The following LEF1 variants were observed in gnomAD, a reference collection of about 807,000 sequenced individuals.
The protein encoded by LEF1 is lymphoid enhancer binding factor 1.
LEF1 carries 14 observed loss-of-function variants against 51.2 expected under a neutral mutation model. The ratio of observed to expected loss-of-function variants is 0.27; its 90% CI spans 0.18 to 0.43. The LOEUF (loss-of-function observed/expected upper bound fraction) is 0.43, where lower values mean the gene tolerates loss of function less well. Ranked by LOEUF, LEF1 falls within the 20% of genes least tolerant of loss-of-function variation. The pLI is 1.00. For synonymous variants in LEF1, 185 were observed against 183.2 expected (o/e 1.01, Z -0.08); for missense variants, 386 against 512.0 (o/e 0.75, Z 2.37).
In LEF1 at chr4:108,086,656, T is replaced by G. The variant is rs1739664734; in HGVS notation, c.547+2469A>C. On this transcript the variant is annotated intron_variant, in intron 4 of 11. Coordinates refer to ENST00000265165, the MANE Select transcript of LEF1 (RefSeq NM_016269.5). ...TAATATATGTACTACGGAAAATGCCTGGAGCAAAAGTATAAGTATTTGTTG... is the reference window on the plus strand; with the variant it reads ...TAATATATGTACTACGGAAAATGCCGGGAGCAAAAGTATAAGTATTTGTTG... Among the ~76,000 whole-genome samples, 4 of 152,328 alleles carry G rather than the reference T, an allele frequency of 2.6e-5. No individual in the cohort carries two copies. The South Asian group carries it at 8.3e-4, about 32-fold the overall frequency.
intron 3 of LEF1, among the ~76,000 whole-genome samples, chr4:108,141,126 A>G (rs764649172): frequency 5.3e-5 from 8 of 152,342 alleles, no homozygotes; most frequent in Admixed American, 3.3e-4. Context: ...GTAATAAACC[A>G]AAGTTAAATT....
rs191902184 is a variant in LEF1, at chr4:108,124,663, C to T, written c.415-35406G>A. ...GATTACAGGCATGAGTCACCGCGCC[C>T]GGAACATGAACATTGCTTTAGCGAA... On this transcript the variant is annotated intron_variant, in intron 3 of 11. Coordinates refer to ENST00000265165, the MANE Select transcript of LEF1 (RefSeq NM_016269.5). Among the ~76,000 whole-genome samples the T allele has an allele frequency of 9.9e-5, 15 of 152,196 alleles. No homozygotes were observed. In the East Asian group the frequency reaches 1.9e-3, roughly 20 times the overall value.
At chr4:108,116,392 C>T (rs1741844355) in intron 3 of LEF1, among the ~76,000 whole-genome samples, 1 of 152,154 alleles carries the variant, frequency 6.6e-6, no homozygotes, top group African/African-American at 2.4e-5. Flanking sequence ...CGTGGTGGCA[C>T]ATGCCTGTGG....
chr4:108,119,062 T>C (rs540067579), intron 3 of LEF1, among the ~76,000 whole-genome samples: 1 of 151,608 alleles, frequency 6.6e-6, no homozygotes, highest in South Asian at 2.1e-4. Flanking sequence ...GAAAAACACA[T>C]GAAAATAAGA....
chr4:108,120,399 G>A (rs1742100408), intron 3 of LEF1, among the ~76,000 whole-genome samples: 1 of 152,124 alleles, frequency 6.6e-6, no homozygotes, highest in African/African-American at 2.4e-5. Flanking sequence ...TTTCATGTCT[G>A]CTTCTGCATA....
At chr4:108,064,497 T>C in intron 9 of LEF1, 113 bp from the exon 10 acceptor site, 2 of 696,446 alleles carry the variant, frequency 2.9e-6, no homozygotes, top group East Asian at 2.8e-5. Flanking sequence ...TGACTCATTC[T>C]CTCTCCCTCT....
chr4:108,109,225 G>A (rs1340394424), intron 3 of LEF1, among the ~76,000 whole-genome samples: 1 of 152,186 alleles, frequency 6.6e-6, no homozygotes, highest in African/African-American at 2.4e-5. Flanking sequence ...CAACTATTAC[G>A]TCTCAGTGTT....
rs780936502 is a variant in LEF1 at position 108,167,727 on chromosome 4, T to TC, written c.40dup (p.Asp14GlyfsTer39). 3 of 1,612,602 alleles carry TC rather than the reference T, an allele frequency of 1.9e-6. No homozygotes were observed. Among genetic ancestry groups the TC allele is most frequent in the Non-Finnish European group, 1.7e-6 (2 of 1,179,848 alleles). ...CTCGTCCGTGGCGCAGAGTTCCGGG[T>TC]CCCCCCCGCCGCCGCCACCTCCTCC... On this transcript the variant is annotated frameshift_variant, in exon 1 of 12. Coordinates refer to ENST00000265165, the MANE Select transcript of LEF1 (RefSeq NM_016269.5). LOFTEE classifies it high-confidence loss of function. This position sits in a 1 kb window ranked among gnomAD's most constrained non-coding sequence, Gnocchi z 5.7.
At chr4:108,059,595 C>T (rs1213343408) in intron 11 of LEF1, among the ~76,000 whole-genome samples, 1 of 152,140 alleles carries the variant, frequency 6.6e-6, no homozygotes, top group Non-Finnish European at 1.5e-5. Flanking sequence ...GCTGGGATTA[C>T]CAGCATGAGC....
Position 108,048,600 on chromosome 4 carries a change from G to C in LEF1, c.*158C>G. On this transcript the variant is annotated 3_prime_UTR_variant, in exon 12 of 12. Coordinates refer to ENST00000265165, the MANE Select transcript of LEF1 (RefSeq NM_016269.5). The stretch of plus-strand genomic sequence containing the variant: ...TTTATGGATCAGCGTCTCTAGCAGT[G>C]ACCTCAGGGTAAAATTGATGTCAGT... The C allele has an allele frequency of 1.1e-6, 1 of 928,982 alleles. No individual in the cohort carries two copies. The highest frequency in any genetic ancestry group is 1.6e-6 in the Non-Finnish European group (1 of 625,688). 57.5% of individuals were successfully genotyped at this position (928,982 alleles called of 1,614,324 possible).
chr4:108,059,810 C>G (rs867812049), intron 11 of LEF1, among the ~76,000 whole-genome samples: 13 of 152,222 alleles, frequency 8.5e-5, no homozygotes, highest in African/African-American at 2.9e-4. Flanking sequence ...TCAATAGATC[C>G]AACCACCTCA....
intron 5 of LEF1, among the ~76,000 whole-genome samples, chr4:108,082,493 G>T (rs1739374427): frequency 6.6e-6 from 1 of 152,160 alleles, no homozygotes; most frequent in African/African-American, 2.4e-5. Flanking sequence ...GAAGGATAAT[G>T]CAAGGATGTC....
Position 108,167,439 on chromosome 4 carries a change from A to C in LEF1, c.213+116T>G. 1 of 935,072 alleles carries C rather than the reference A, an allele frequency of 1.1e-6. No homozygotes were observed. The highest frequency in any genetic ancestry group is 1.7e-6 in the Non-Finnish European group (1 of 603,014). 57.9% of individuals were successfully genotyped at this position (935,072 alleles called of 1,614,324 possible). A position where few individuals can be genotyped will look rare whatever the true frequency, so the allele number is the denominator to read the frequency against. On this transcript the variant is annotated intron_variant, in intron 1 of 11. Coordinates refer to ENST00000265165, the MANE Select transcript of LEF1 (RefSeq NM_016269.5). This position sits in a 1 kb window ranked among gnomAD's most constrained non-coding sequence, Gnocchi z 5.7. Reference sequence around the variant, plus strand: ...CTACGCACACACCCCAAAACAAACGAGGGATCTACTCGGGACCCTCAGCCG... The same window carrying C: ...CTACGCACACACCCCAAAACAAACGCGGGATCTACTCGGGACCCTCAGCCG...
chr4:108,163,282 AC>A, intron 3 of LEF1, among the ~76,000 whole-genome samples: 1 of 152,212 alleles, frequency 6.6e-6, no homozygotes, highest in African/African-American at 2.4e-5. Flanking sequence ...AATGCACAAT[AC>A]TCATAAAATC....
chr4:108,115,846 T>TACAC (rs55839332), intron 3 of LEF1, among the ~76,000 whole-genome samples: 17,015 of 139,196 alleles, frequency 0.12, 1,405 homozygotes, highest in African/African-American at 0.21. Context: ...ATGTAACACA[T>TACAC]ACACACACAC....
Position 108,089,395 on chromosome 4 carries a change from A to G in LEF1, c.415-138T>C, listed in dbSNP as rs1739863136. On this transcript the variant is annotated intron_variant, in intron 3 of 11. Transcript: ENST00000265165. ...ATCACCTTCAGACCTGGACAGGTGG[A>G]AATGTCTCTTTTAGAATTTTTCTGA... 1.3e-5 allele frequency: 11 copies of G among 827,174 alleles called. No homozygotes were observed. In the South Asian group the frequency reaches 2.1e-4, roughly 16 times the overall value. 51.2% of individuals were successfully genotyped at this position (827,174 alleles called of 1,614,324 possible).
chr4:108,081,696 T>A (rs779496287), intron 5 of LEF1, 27 bp from the exon 6 acceptor site: 23 of 1,582,786 alleles, frequency 1.5e-5, no homozygotes, highest in Non-Finnish European at 4.3e-6. Flanking sequence ...AAGGAACCCA[T>A]CAATGACAAA....
chr4:108,078,705 G>A (rs1445186521), intron 7 of LEF1, among the ~76,000 whole-genome samples: 1 of 152,132 alleles, frequency 6.6e-6, no homozygotes, highest in East Asian at 1.9e-4. Flanking sequence ...GCTCCAGATG[G>A]GCTCTGAGGC....
chr4:108,092,147 C>T (rs1213166526), intron 3 of LEF1, among the ~76,000 whole-genome samples: 1 of 152,172 alleles, frequency 6.6e-6, no homozygotes, highest in African/African-American at 2.4e-5. Flanking sequence ...TTGCTCTCCT[C>T]TTAATTTTAC....
Sources: allele counts gnomAD v4.1 joint callset (sites outside exome capture counted in the v4.1 genomes callset), GRCh38; gene constraint gnomAD v4.1.1; non-coding constraint Gnocchi (gnomAD v3.1); transcripts MANE v1.5; gene names NCBI Gene and HGNC (gene_info 2026-07-23, HGNC 2026-07-21).